KIF15: variants seen among roughly 807,000 people sequenced by gnomAD.
KIF15 encodes the protein kinesin family member 15, also known as kinesin-like protein KIF15.
In KIF15, 140 loss-of-function variants were observed where a neutral mutation model predicts 190.6. That is an observed-to-expected ratio of 0.73 (90% CI 0.64 to 0.84). The LOEUF (loss-of-function observed/expected upper bound fraction) is 0.84. Among genes scored for constraint, KIF15 ranks in the 40% least tolerant of loss-of-function variants. KIF15 has a pLI of 0.00. For missense variants in KIF15, 1,372 were observed against 1,584.4 expected (o/e 0.87, Z 2.28); for synonymous variants, 528 against 551.3 (o/e 0.96, Z 0.59).
chr3:44,768,937 A>G (rs554197126), intron 1 of KIF15, among the ~76,000 whole-genome samples: 28 of 152,320 alleles, frequency 1.8e-4, no homozygotes, highest in Non-Finnish European at 3.5e-4. Context: ...GCCAGAAGTC[A>G]TGCTCGAAAA....
chr3:44,829,110 C>T (rs1697834067), intron 24 of KIF15, among the ~76,000 whole-genome samples: 1 of 151,840 alleles, frequency 6.6e-6, no homozygotes, highest in Admixed American at 6.6e-5. Context: ...GTAATCCCAG[C>T]ACTTTGGGAG....
chr3:44,862,388 T>A (rs1699267839), intron 6 of KIF15: 1 of 154,516 alleles, frequency 6.5e-6, no homozygotes, highest in Non-Finnish European at 1.4e-5. Context: ...CTGAGGCCTC[T>A]TCCCTTACCA....
chr3:44,805,689 T>A (rs914885835), intron 15 of KIF15, among the ~76,000 whole-genome samples, 156 bp from the exon 16 acceptor site: 2 of 152,216 alleles, frequency 1.3e-5, no homozygotes, highest in African/African-American at 2.4e-5. Context: ...TGTAGTTTAC[T>A]GAACTGGAGA....
At chr3:44,841,512 C>T (rs1380431698) in intron 29 of KIF15, among the ~76,000 whole-genome samples, 1 of 151,854 alleles carries the variant, frequency 6.6e-6, no homozygotes, top group African/African-American at 2.4e-5. Context: ...GTTCTCCTGC[C>T]TCAGCCTCCC....
intron 24 of KIF15, among the ~76,000 whole-genome samples, 164 bp from the exon 25 acceptor site, chr3:44,829,807 G>C (rs983265283): frequency 3.5e-5 from 5 of 142,712 alleles, no homozygotes; most frequent in African/African-American, 1.3e-4. Context: ...TATAATATAT[G>C]TATATATATT....
chr3:44,812,360 AAGGATCCTCAAACATCCTTG>A lies in KIF15; in HGVS notation c.2277+74_2277+93del, dbSNP rs1707823231. 3.8e-6 allele frequency: 4 copies of A among 1,065,056 alleles called. No homozygotes were observed. In the South Asian group the frequency reaches 5.4e-5, roughly 14 times the overall value. 66.0% of individuals were successfully genotyped at this position (1,065,056 alleles called of 1,614,324 possible). A position where few individuals can be genotyped will look rare whatever the true frequency, so the allele number is the denominator to read the frequency against. On this transcript the variant is annotated intron_variant, in intron 18 of 34. Transcript: ENST00000326047. The stretch of plus-strand genomic sequence containing the variant: ...AATGTTACCTTGAGGAAACATCCTC[AAGGATCCTCAAACATCCTTG>A]AGTATGCATGAAACATATTCAGAGA...
rs1282213072 is a variant in KIF15 at position 44,775,439 on chromosome 3, T to A, written c.246+2T>A. On this transcript the variant is annotated splice_donor_variant, in intron 3 of 34. Transcript: ENST00000326047. LOFTEE classifies it high-confidence loss of function. Reference sequence around the variant, plus strand: ...GTTGCAGATGTGGATACCACTCAGGTAATGATAATTAGAAACTTAACTTTT... The same window carrying A: ...GTTGCAGATGTGGATACCACTCAGGAAATGATAATTAGAAACTTAACTTTT... 1 of 1,578,228 alleles carries A rather than the reference T, an allele frequency of 6.3e-7. No individual in the cohort carries two copies. Among genetic ancestry groups the A allele is most frequent in the Non-Finnish European group, 8.6e-7 (1 of 1,164,002 alleles).
chr3:44,782,117 T>C (rs1204921737), intron 5 of KIF15, among the ~76,000 whole-genome samples: 1 of 152,196 alleles, frequency 6.6e-6, no homozygotes, highest in Non-Finnish European at 1.5e-5. Context: ...TGGTACAATC[T>C]TGGCTCACTG....
chr3:44,829,920 T>G (rs748323513), intron 24 of KIF15, 51 bp from the exon 25 acceptor site: 3 of 1,010,236 alleles, frequency 3.0e-6, no homozygotes, highest in Non-Finnish European at 4.1e-6. Flanking sequence ...TTAAAAATTT[T>G]CTTCTCCTTA....
chr3:44,771,350 G>C (rs939628656), intron 1 of KIF15, among the ~76,000 whole-genome samples: 4 of 152,072 alleles, frequency 2.6e-5, no homozygotes, highest in African/African-American at 9.7e-5. Flanking sequence ...CCAGACACTA[G>C]AATTTTAGGA....
chr3:44,809,426 G>A (rs17076963), intron 16 of KIF15, among the ~76,000 whole-genome samples: 1 of 151,912 alleles, frequency 6.6e-6, no homozygotes, highest in African/African-American at 2.4e-5. Context: ...TTATATTTTT[G>A]ATGTAGCCAG....
In KIF15 at chr3:44,810,931, T is replaced by C. The variant is rs1387917833; in HGVS notation, c.2057T>C (p.Leu686Pro). The change falls in exon 17 of 35, where the codon CTA becomes CCA. Residue 686 changes from leucine to proline, a missense_variant. Physicochemically the swap from Leu to Pro is moderately conservative, Grantham distance 98. Coordinates refer to ENST00000326047, the MANE Select transcript of KIF15 (RefSeq NM_020242.3). Reference sequence around the variant, plus strand: ...CCTGAAATGGGAAGCTTTGGCTCTCTATACACTCAGAATTCTAGCATATTA... The same window carrying C: ...CCTGAAATGGGAAGCTTTGGCTCTCCATACACTCAGAATTCTAGCATATTA... The part of the protein sequence containing the change: ...LSPEMGSFGS[L>P]YTQNSSILDN... The C allele has an allele frequency of 6.2e-7, 1 of 1,613,902 alleles. No homozygotes were observed. The highest frequency in any genetic ancestry group is 1.7e-5 in the Admixed American group (1 of 60,008).
chr3:44,766,506 C>A (rs895659041), intron 1 of KIF15, among the ~76,000 whole-genome samples: 5 of 152,144 alleles, frequency 3.3e-5, no homozygotes, highest in African/African-American at 1.2e-4. Flanking sequence ...TTGTCTGGGA[C>A]TTTATCTGAG....
chr3:44,769,489 T>C (rs1424311523), intron 1 of KIF15, among the ~76,000 whole-genome samples: 7 of 152,344 alleles, frequency 4.6e-5, no homozygotes, highest in Admixed American at 6.5e-5. Flanking sequence ...CTTACCCACG[T>C]ACGCCCTATC....
Position 44,852,301 on chromosome 3 carries a change from G to C in KIF15, c.4066G>C (p.Val1356Leu). ...HQNLHQKIQY[V>L]VRLKKENVRL... Reference sequence around the variant, plus strand: ...AAATTTGCATCAGAAGATTCAGTACGTAGTGCGACTAAAGAAGGAAAATGT... The same window carrying C: ...AAATTTGCATCAGAAGATTCAGTACCTAGTGCGACTAAAGAAGGAAAATGT... The change falls in exon 34 of 35, where the codon GTA becomes CTA. Residue 1356 changes from valine (V) to leucine (L), a missense_variant. By Grantham distance (32) the Val-to-Leu change is conservative. Coordinates refer to ENST00000326047, the MANE Select transcript of KIF15 (RefSeq NM_020242.3). The C allele has an allele frequency of 2.5e-6, 4 of 1,612,362 alleles. No individual in the cohort carries two copies. The highest frequency in any genetic ancestry group is 1.1e-5 in the South Asian group (1 of 90,854).
chr3:44,808,168 G>A (rs1430684648), intron 16 of KIF15, among the ~76,000 whole-genome samples: 1 of 152,080 alleles, frequency 6.6e-6, no homozygotes, highest in Non-Finnish European at 1.5e-5. Flanking sequence ...AGAAATTATT[G>A]AAAAATACTT....
At chr3:44,781,732 T>G (rs1164673856) in intron 5 of KIF15, among the ~76,000 whole-genome samples, 1 of 152,220 alleles carries the variant, frequency 6.6e-6, no homozygotes, top group African/African-American at 2.4e-5. Flanking sequence ...TAGCCATTCT[T>G]GAGTATGTAT....
chr3:44,852,146 G>T, intron 33 of KIF15, 62 bp from the exon 34 acceptor site: 1 of 1,555,526 alleles, frequency 6.4e-7, no homozygotes. Flanking sequence ...GAAATAATGT[G>T]ACTTTAAAAG....
chr3:44,829,094 A>T (rs1193187909), intron 24 of KIF15, among the ~76,000 whole-genome samples: 1 of 151,966 alleles, frequency 6.6e-6, no homozygotes, highest in South Asian at 2.1e-4. Context: ...GCAGTGGCTC[A>T]TGTCTGTAAT....
Sources: gnomAD v4.1 joint callset for allele counts (sites outside exome capture counted in the v4.1 genomes callset) on GRCh38, gnomAD v4.1.1 for gene constraint, MANE v1.5 for transcripts, NCBI Gene and HGNC (gene_info 2026-07-23, HGNC 2026-07-21) for gene names.